Variants in PPARG observed in about 807,000 individuals in gnomAD.
The protein encoded by PPARG is peroxisome proliferator-activated receptor gamma.
Under a neutral mutation model 39.2 loss-of-function variants are expected in PPARG, and 17 were observed. That is an observed-to-expected ratio of 0.43 (90% confidence interval 0.30 to 0.65). The LOEUF (loss-of-function observed/expected upper bound fraction) is 0.65, where lower values mean the gene tolerates loss of function less well. Ranked by LOEUF, PPARG falls within the 30% of genes least tolerant of loss-of-function variation. The pLI is 0.13. For synonymous variants in PPARG, 223 were observed against 215.7 expected (o/e 1.03, Z -0.30); for missense variants, 406 against 585.9 (o/e 0.69, Z 3.17).
At chr3:12,330,156 A>C (rs2047812367) in intron 2 of PPARG, among the ~76,000 whole-genome samples, 1 of 152,190 alleles carries the variant, frequency 6.6e-6, no homozygotes, top group Admixed American at 6.5e-5. Context: ...GTATATACCC[A>C]GGAGTGAAAT....
At chr3:12,344,058 G>A (rs1161779796) in intron 2 of PPARG, among the ~76,000 whole-genome samples, 12 of 151,054 alleles carry the variant, frequency 7.9e-5, no homozygotes, top group African/African-American at 2.7e-4. Context: ...ACAGGGTTTC[G>A]CCATGTTGGC....
intron 2 of PPARG, among the ~76,000 whole-genome samples, chr3:12,336,525 GA>G (rs2048018583): frequency 6.6e-6 from 1 of 152,110 alleles, no homozygotes; most frequent in Non-Finnish European, 1.5e-5. Context: ...GTTCTTCTTT[GA>G]AAAAGATTAG....
intron 2 of PPARG, among the ~76,000 whole-genome samples, chr3:12,333,745 G>A (rs960604666): frequency 3.9e-5 from 6 of 152,072 alleles, no homozygotes; most frequent in Admixed American, 6.6e-5. Flanking sequence ...CAGTCATTTC[G>A]TCAGTTAGTC....
At chr3:12,317,973 T>C (rs1046653001) in intron 2 of PPARG, among the ~76,000 whole-genome samples, 1 of 152,168 alleles carries the variant, frequency 6.6e-6, no homozygotes, top group African/African-American at 2.4e-5. Context: ...GAGTGGTTTA[T>C]TTTTATTTTT....
chr3:12,408,705 A>G (rs989965547), intron 6 of PPARG, among the ~76,000 whole-genome samples: 1 of 151,556 alleles, frequency 6.6e-6, no homozygotes, highest in African/African-American at 2.4e-5. Context: ...CTGGTATTAC[A>G]GGTGTGAGCC....
chr3:12,302,232 A>G (rs1402255473), intron 1 of PPARG, among the ~76,000 whole-genome samples: 1 of 152,208 alleles, frequency 6.6e-6, no homozygotes, highest in Non-Finnish European at 1.5e-5. Context: ...CACGAAAAAT[A>G]CTAAAAACAA....
At chr3:12,313,825 T>C (rs1182656905) in intron 2 of PPARG, among the ~76,000 whole-genome samples, 1 of 152,136 alleles carries the variant, frequency 6.6e-6, no homozygotes, top group Non-Finnish European at 1.5e-5. Context: ...TGAGTCCAAA[T>C]TGATATACAT....
At chr3:12,301,520 G>C (rs1292876541) in intron 1 of PPARG, 2 of 152,120 alleles carry the variant, frequency 1.3e-5, no homozygotes, top group Non-Finnish European at 2.9e-5. Flanking sequence ...TCCTTTTATA[G>C]GGTAGATATG....
intron 2 of PPARG, among the ~76,000 whole-genome samples, chr3:12,345,046 G>A (rs889712605): frequency 2.6e-5 from 4 of 151,922 alleles, no homozygotes; most frequent in African/African-American, 4.8e-5. Flanking sequence ...ATTGTTGTGA[G>A]TTTCAAACGA....
chr3:12,297,658 G>A lies in PPARG; in HGVS notation c.-83+8524G>A, dbSNP rs1197906292. Among the ~76,000 whole-genome samples the A allele has an allele frequency of 2.0e-5, 3 of 151,986 alleles. No homozygotes were observed. In the East Asian group the frequency reaches 5.8e-4, roughly 29 times the overall value. On this transcript the variant is annotated intron_variant, in intron 1 of 7. Transcript: ENST00000651735. Reference sequence around the variant, plus strand: ...GGGAAAGAAACCCATCTCTGTTATGGCCTCTTAATGTTCTCAGCCATACGT... The same window carrying A: ...GGGAAAGAAACCCATCTCTGTTATGACCTCTTAATGTTCTCAGCCATACGT...
Position 12,434,109 on chromosome 3 carries a change from C to T in PPARG, c.1392C>T (p.His464=), listed in dbSNP as rs1223589552. 1 of 1,613,498 alleles carries T rather than the reference C, an allele frequency of 6.2e-7. No homozygotes were observed. Among genetic ancestry groups the T allele is most frequent in the Non-Finnish European group, 8.5e-7 (1 of 1,179,926 alleles). Residue 464 remains histidine, a synonymous_variant, in exon 8 of 8, where the codon CAC becomes CAT. Coordinates refer to ENST00000651735, the MANE Select transcript of PPARG (RefSeq NM_138711.6). The surrounding 1 kb of genome is among the most constrained non-coding windows in gnomAD (Gnocchi z 4.2). ...AGACGGAGACAGACATGAGTCTTCA[C>T]CCGCTCCTGCAGGAGATCTACAAGG... is the stretch of plus-strand genomic sequence containing the variant. ...IKKTETDMSL[H]PLLQEIYKDL...
chr3:12,328,324 G>C, intron 2 of PPARG: 1 of 906,464 alleles, frequency 1.1e-6, no homozygotes, highest in East Asian at 2.6e-5. Flanking sequence ...CATTCCTGGT[G>C]GGGGCAGAGG....
intron 7 of PPARG, among the ~76,000 whole-genome samples, chr3:12,424,796 A>G (rs2051381112): frequency 6.6e-6 from 1 of 151,266 alleles, no homozygotes; most frequent in African/African-American, 2.4e-5. Context: ...CCAAATCCCC[A>G]CTCTCTCTCT....
rs377339477 is a variant in PPARG, at chr3:12,377,298, T to C, written c.-8-2406T>C. Among the ~76,000 whole-genome samples, 4 of 152,300 alleles carry C rather than the reference T, an allele frequency of 2.6e-5. No individual in the cohort carries two copies. The East Asian group carries it at 7.7e-4, about 29-fold the overall frequency. On this transcript the variant is annotated intron_variant, in intron 2 of 7. Coordinates refer to ENST00000651735, the MANE Select transcript of PPARG (RefSeq NM_138711.6). ...TGTTTTCTTGTTTCTATCTCTGTTTTGTTTTGTTTTTGTTTTGGGGATGGT... is the reference window on the plus strand; with the variant it reads ...TGTTTTCTTGTTTCTATCTCTGTTTCGTTTTGTTTTTGTTTTGGGGATGGT...
chr3:12,362,262 A>G (rs1369751848), intron 2 of PPARG, among the ~76,000 whole-genome samples: 1 of 152,116 alleles, frequency 6.6e-6, no homozygotes, highest in African/African-American at 2.4e-5. Context: ...CATGCCTGTA[A>G]TCCCAGAACT....
rs147226241 is a variant in PPARG at position 12,397,460 on chromosome 3, G to T, written c.529+4708G>T. Among the ~76,000 whole-genome samples the T allele has an allele frequency of 3.7e-3, 551 of 149,200 alleles. 2 individuals are homozygous for T. The highest frequency in any genetic ancestry group is 8.9e-3 in the African/African-American group (362 of 40,680). ...AAGTCTCGCTCTGTTGCCCAGGCTG[G>T]AGTGCAGTGGCGCGATCTAGGCTCA... On this transcript the variant is annotated intron_variant, in intron 5 of 7. Coordinates refer to ENST00000651735, the MANE Select transcript of PPARG (RefSeq NM_138711.6).
intron 1 of PPARG, among the ~76,000 whole-genome samples, chr3:12,289,493 T>C (rs1258925241): frequency 3.9e-5 from 6 of 152,240 alleles, no homozygotes; most frequent in Non-Finnish European, 8.8e-5. Flanking sequence ...GATTTTGAAG[T>C]ACATTATTTT....
At chr3:12,425,189 G>A (rs2051395997) in intron 7 of PPARG, among the ~76,000 whole-genome samples, 2 of 152,214 alleles carry the variant, frequency 1.3e-5, no homozygotes, top group East Asian at 1.9e-4. Context: ...GGGAGGATTC[G>A]GACGTCCTGT....
At chr3:12,372,524 A>G (rs2049255309) in intron 2 of PPARG, among the ~76,000 whole-genome samples, 1 of 152,234 alleles carries the variant, frequency 6.6e-6, no homozygotes, top group Non-Finnish European at 1.5e-5. Context: ...TATTTGGCGT[A>G]GTACTTTGCA....
Sources: gnomAD v4.1 joint callset for allele counts (sites outside exome capture counted in the v4.1 genomes callset) on GRCh38, gnomAD v4.1.1 for gene constraint, Gnocchi (gnomAD v3.1) non-coding constraint, MANE v1.5 for transcripts, NCBI Gene and HGNC (gene_info 2026-07-23, HGNC 2026-07-21) for gene names.